Variants in PTPRN2 observed in about 807,000 individuals in gnomAD.
PTPRN2 encodes protein tyrosine phosphatase receptor type N2.
Under a neutral mutation model 118.8 loss-of-function variants are expected in PTPRN2, and 74 were observed. The ratio of observed to expected loss-of-function variants is 0.62; its 90% CI spans 0.52 to 0.76. The LOEUF (loss-of-function observed/expected upper bound fraction) is 0.76, where lower values mean the gene tolerates loss of function less well. Ranked by LOEUF, PTPRN2 falls within the 30% of genes least tolerant of loss-of-function variation. The probability of loss-of-function intolerance (pLI) is 0.00; values close to 1 mark genes in which losing one functional copy is unlikely to be tolerated. For missense variants in PTPRN2, 1,481 were observed against 1,394.4 expected (o/e 1.06, Z -0.99); for synonymous variants, 641 against 608.0 (o/e 1.05, Z -0.80).
chr7:158,247,944 C>T (rs1295497059), intron 3 of PTPRN2, among the ~76,000 whole-genome samples: 2 of 152,194 alleles, frequency 1.3e-5, no homozygotes, highest in African/African-American at 4.8e-5. Flanking sequence ...CCATACCTCG[C>T]ACAAGACCCC....
chr7:157,650,709 C>G (rs1375967611), intron 14 of PTPRN2, among the ~76,000 whole-genome samples: 2 of 152,216 alleles, frequency 1.3e-5, no homozygotes, highest in African/African-American at 4.8e-5. Context: ...GGTGGAGGGA[C>G]TGGGGCCAGG....
At chr7:158,523,507 T>C (rs145030690) in intron 1 of PTPRN2, among the ~76,000 whole-genome samples, 11,106 of 58,218 alleles carry the variant, frequency 0.19, 1,126 homozygotes, top group South Asian at 0.36. Context: ...TGCCCTGGAG[T>C]GGAGTCGTCT....
chr7:157,998,835 A>C (rs1002330992), intron 11 of PTPRN2, among the ~76,000 whole-genome samples: 10 of 151,872 alleles, frequency 6.6e-5, no homozygotes, highest in Non-Finnish European at 5.9e-5. Flanking sequence ...AAAAAAAAAA[A>C]AACTCTACTT....
rs114658547 is a variant in PTPRN2 at position 158,226,726 on chromosome 7, A to T, written c.278-21453T>A. ...TCCAAGAGTAAGATATGCATCTTGAAGTGAGACCTGGGGAAGTCCCACAAC... is the reference window on the plus strand; with the variant it reads ...TCCAAGAGTAAGATATGCATCTTGATGTGAGACCTGGGGAAGTCCCACAAC... On this transcript the variant is annotated intron_variant, in intron 3 of 22. Coordinates refer to ENST00000389418, the MANE Select transcript of PTPRN2 (RefSeq NM_002847.5). Among the ~76,000 whole-genome samples, 830 of 150,728 alleles carry T rather than the reference A, an allele frequency of 5.5e-3. 5 individuals are homozygous for T. The highest frequency in any genetic ancestry group is 0.019 in the African/African-American group (774 of 40,892).
At chr7:157,925,440 A>G (rs557095413) in intron 11 of PTPRN2, among the ~76,000 whole-genome samples, 1 of 152,378 alleles carries the variant, frequency 6.6e-6, no homozygotes, top group East Asian at 1.9e-4. Context: ...AAATGCCCAC[A>G]TTTGCTACGT....
chr7:158,186,445 C>T (rs1825147734), intron 5 of PTPRN2, among the ~76,000 whole-genome samples: 1 of 152,224 alleles, frequency 6.6e-6, no homozygotes, highest in Non-Finnish European at 1.5e-5. Context: ...GTCCATCGTA[C>T]ACCTGCAGGA....
At chr7:158,021,173 T>C (rs1489693114) in intron 11 of PTPRN2, among the ~76,000 whole-genome samples, 4 of 152,236 alleles carry the variant, frequency 2.6e-5, no homozygotes, top group Non-Finnish European at 5.9e-5. Context: ...TTTCTCTGAA[T>C]TTCCTCCAAT....
At chr7:158,235,546 C>T (rs1418671289) in intron 3 of PTPRN2, among the ~76,000 whole-genome samples, 1 of 152,132 alleles carries the variant, frequency 6.6e-6, no homozygotes, top group African/African-American at 2.4e-5. Flanking sequence ...ACAAATGGAT[C>T]TCATGAGGGT....
At chr7:157,750,696 C>T (rs1240927471) in intron 12 of PTPRN2, among the ~76,000 whole-genome samples, 1 of 152,236 alleles carries the variant, frequency 6.6e-6, no homozygotes, top group East Asian at 1.9e-4. Context: ...TTTCAGTTGT[C>T]CTCTCCCTCC....
chr7:158,127,291 G>A (rs944146768), intron 9 of PTPRN2, among the ~76,000 whole-genome samples: 7 of 147,034 alleles, frequency 4.8e-5, no homozygotes, highest in South Asian at 2.1e-4. Context: ...TGTGCCCTGC[G>A]TCCTCCTCTG....
At position 157,615,375 on chromosome 7, in the gene PTPRN2, C is replaced by G; in HGVS notation, c.2344+5987G>C. On this transcript the variant is annotated intron_variant, in intron 15 of 22. Transcript: ENST00000389418. The surrounding 1 kb of genome is among the most constrained non-coding windows in gnomAD (Gnocchi z 4.3). ...CGGGGAGCCGCTGACCTTGGGCTCC[C>G]TAACCTCCTTCAGCCCCAGCTCTGT... The G allele has an allele frequency of 2.2e-6, 1 of 460,890 alleles. No individual in the cohort carries two copies. 28.6% of individuals were successfully genotyped at this position (460,890 alleles called of 1,614,324 possible). A position where few individuals can be genotyped will look rare whatever the true frequency, so the allele number is the denominator to read the frequency against.
chr7:157,841,771 C>T (rs950988355), intron 12 of PTPRN2, among the ~76,000 whole-genome samples: 2 of 152,166 alleles, frequency 1.3e-5, no homozygotes, highest in African/African-American at 4.8e-5. Context: ...ATTTTTTCTA[C>T]ATTTATGAAA....
At chr7:157,819,695 G>A (rs1231467879) in intron 12 of PTPRN2, among the ~76,000 whole-genome samples, 2 of 152,144 alleles carry the variant, frequency 1.3e-5, no homozygotes, top group African/African-American at 2.4e-5. Context: ...TGGATGGGAG[G>A]GGGCTCCCTG....
At chr7:158,466,669 G>A (rs1019647290) in intron 2 of PTPRN2, among the ~76,000 whole-genome samples, 1 of 152,126 alleles carries the variant, frequency 6.6e-6, no homozygotes, top group African/African-American at 2.4e-5. Flanking sequence ...AATTTCTTCT[G>A]GATCTATAAC....
intron 2 of PTPRN2, among the ~76,000 whole-genome samples, chr7:158,447,631 G>C (rs570162498): frequency 1.3e-5 from 2 of 152,248 alleles, no homozygotes; most frequent in Admixed American, 6.5e-5. Context: ...CCACCTGCAC[G>C]GGTACCCGGC....
intron 2 of PTPRN2, among the ~76,000 whole-genome samples, chr7:158,463,430 A>G (rs566494435): frequency 6.6e-6 from 1 of 152,098 alleles, no homozygotes; most frequent in African/African-American, 2.4e-5. Flanking sequence ...CACCATCACC[A>G]TCATTGTCAT....
At chr7:158,201,058 T>TG (rs1399302448) in intron 4 of PTPRN2, among the ~76,000 whole-genome samples, 75 of 146,368 alleles carry the variant, frequency 5.1e-4, no homozygotes, top group Admixed American at 1.6e-3. Context: ...AAAAAAGTGG[T>TG]TTTTTTTTTT....
At position 158,125,236 on chromosome 7, in the gene PTPRN2, G is replaced by A. The variant is rs780694460; in HGVS notation, c.1556+8441C>T. Among the ~76,000 whole-genome samples, 233 of 68,686 alleles carry A rather than the reference G, an allele frequency of 3.4e-3. 2 individuals carry two copies. Among genetic ancestry groups the A allele is most frequent in the Admixed American group, 5.8e-3 (30 of 5,160 alleles). The allele number at this position is 68,686 out of a possible 152,430, so 45.1% of individuals were successfully genotyped here. Reference sequence around the variant, plus strand: ...AAGTCCCTCCCAGGGCTGCCCCCCTGTCTCGAGTCCCTCCCAGGGCCACCT... The same window carrying A: ...AAGTCCCTCCCAGGGCTGCCCCCCTATCTCGAGTCCCTCCCAGGGCCACCT... On this transcript the variant is annotated intron_variant, in intron 9 of 22. Coordinates refer to ENST00000389418, the MANE Select transcript of PTPRN2 (RefSeq NM_002847.5).
chr7:158,492,198 G>A (rs769624847), intron 1 of PTPRN2, among the ~76,000 whole-genome samples: 1 of 152,214 alleles, frequency 6.6e-6, no homozygotes, highest in Non-Finnish European at 1.5e-5. Flanking sequence ...AGGTTAGTCC[G>A]ATGTCGTGGA....
Sources: allele counts gnomAD v4.1 joint callset (sites outside exome capture counted in the v4.1 genomes callset), GRCh38; gene constraint gnomAD v4.1.1; non-coding constraint Gnocchi (gnomAD v3.1); transcripts MANE v1.5; gene names NCBI Gene and HGNC (gene_info 2026-07-23, HGNC 2026-07-21).